Variants in CFAP299 observed in about 807,000 individuals in gnomAD.
CFAP299 encodes cilia and flagella associated protein 299.
A neutral mutation model predicts 27.0 loss-of-function variants in CFAP299; 21 were observed. The observed-to-expected ratio is 0.78, with a 90% CI of 0.55 to 1.12. The LOEUF is 1.12. Among genes scored for constraint, CFAP299 ranks in the 50% most tolerant of loss-of-function variants. The pLI is 0.00. For missense variants in CFAP299, 310 were observed against 276.6 expected, an observed-to-expected ratio of 1.12 and a Z score of -0.86; for synonymous variants, 104 against 98.1, an observed-to-expected ratio of 1.06 and a Z score of -0.36.
At chr4:80,901,021 A>AT (rs1734862294) in intron 4 of CFAP299, among the ~76,000 whole-genome samples, 1 of 152,130 alleles carries the variant, frequency 6.6e-6, no homozygotes, top group African/African-American at 2.4e-5. Flanking sequence ...AGGGTTTGCA[A>AT]TAAAAAAGCT....
intron 2 of CFAP299, among the ~76,000 whole-genome samples, chr4:80,370,411 C>A (rs766672742): frequency 6.6e-6 from 1 of 152,176 alleles, no homozygotes; most frequent in Non-Finnish European, 1.5e-5. Flanking sequence ...TCCCAACAGT[C>A]CCCCAAAGTC....
chr4:80,677,888 C>T (rs1458729109), intron 3 of CFAP299, among the ~76,000 whole-genome samples: 1 of 152,034 alleles, frequency 6.6e-6, no homozygotes, highest in African/African-American at 2.4e-5. Flanking sequence ...TTTATAAAAA[C>T]TGCATTTCAA....
At chr4:80,916,286 TATATATATA>T (rs1735757774) in intron 4 of CFAP299, among the ~76,000 whole-genome samples, 1 of 122,558 alleles carries the variant, frequency 8.2e-6, no homozygotes, top group African/African-American at 3.6e-5. Flanking sequence ...TATATATATA[TATATATATA>T]TTTCAGGTAC....
intron 2 of CFAP299, among the ~76,000 whole-genome samples, chr4:80,459,282 A>C (rs1429415426): frequency 6.6e-6 from 1 of 152,198 alleles, no homozygotes; most frequent in Admixed American, 6.5e-5. Context: ...GAGTCACTGC[A>C]TCCAGCCAGG....
chr4:80,780,703 T>C (rs1405986645), intron 3 of CFAP299, among the ~76,000 whole-genome samples: 1 of 151,888 alleles, frequency 6.6e-6, no homozygotes, highest in Non-Finnish European at 1.5e-5. Context: ...GCTAATGACA[T>C]GCAAATAGAA....
intron 2 of CFAP299, among the ~76,000 whole-genome samples, chr4:80,479,072 A>G (rs999369312): frequency 2.0e-5 from 3 of 152,152 alleles, no homozygotes; most frequent in Admixed American, 2.0e-4. Flanking sequence ...TAAAAATTAT[A>G]GTAGGGCTTT....
At chr4:80,882,501 G>C (rs1287997346) in intron 4 of CFAP299, among the ~76,000 whole-genome samples, 2 of 152,024 alleles carry the variant, frequency 1.3e-5, no homozygotes, top group African/African-American at 4.8e-5. Flanking sequence ...AGCCGGGCGC[G>C]GTGGCAGGCG....
At chr4:80,800,022 T>A (rs1421975873) in intron 3 of CFAP299, among the ~76,000 whole-genome samples, 2 of 60,912 alleles carry the variant, frequency 3.3e-5, no homozygotes. Flanking sequence ...GTAATATATA[T>A]TATATATAAT....
chr4:80,482,346 C>A (rs1017228210), intron 2 of CFAP299, among the ~76,000 whole-genome samples: 1 of 151,996 alleles, frequency 6.6e-6, no homozygotes, highest in African/African-American at 2.4e-5. Flanking sequence ...AATAACATCA[C>A]CCATAAAGTA....
chr4:80,741,923 A>G (rs1165971795), intron 3 of CFAP299, among the ~76,000 whole-genome samples: 1 of 152,100 alleles, frequency 6.6e-6, no homozygotes, highest in African/African-American at 2.4e-5. Context: ...CCCTCCTTGT[A>G]AGGGCACTGC....
chr4:80,335,602 A>G, upstream of CFAP299: 1 of 631,098 alleles, frequency 1.6e-6, no homozygotes, highest in African/African-American at 1.8e-5. Context: ...GAAAGTTTTC[A>G]CAGGAGTGAG....
At chr4:80,699,565 G>A (rs1008346425) in intron 3 of CFAP299, among the ~76,000 whole-genome samples, 28 of 152,112 alleles carry the variant, frequency 1.8e-4, no homozygotes, top group African/African-American at 6.5e-4. Context: ...GTTAGCTAAT[G>A]TTTTACAGTT....
intron 3 of CFAP299, among the ~76,000 whole-genome samples, chr4:80,586,258 A>G (rs1484963883): frequency 6.6e-6 from 1 of 152,034 alleles, no homozygotes; most frequent in Non-Finnish European, 1.5e-5. Context: ...TTAATATATA[A>G]TAAATTTTAT....
chr4:80,695,383 A>C (rs1721022072), intron 3 of CFAP299, among the ~76,000 whole-genome samples: 1 of 152,188 alleles, frequency 6.6e-6, no homozygotes, highest in Non-Finnish European at 1.5e-5. Context: ...TCCAGAAATA[A>C]CTTTCTCACA....
intron 3 of CFAP299, among the ~76,000 whole-genome samples, chr4:80,777,795 C>CATG (rs1726640569): frequency 6.6e-6 from 1 of 152,058 alleles, no homozygotes; most frequent in East Asian, 1.9e-4. Context: ...TACTAAACTA[C>CATG]ATGCAGATGA....
chr4:80,794,821 C>G (rs1214639156), intron 3 of CFAP299, among the ~76,000 whole-genome samples: 1 of 152,134 alleles, frequency 6.6e-6, no homozygotes, highest in Non-Finnish European at 1.5e-5. Flanking sequence ...TGGAAGAGGT[C>G]AAGTGTAATC....
intron 3 of CFAP299, among the ~76,000 whole-genome samples, chr4:80,670,740 T>C (rs1167877776): frequency 6.6e-6 from 1 of 152,236 alleles, no homozygotes; most frequent in Non-Finnish European, 1.5e-5. Flanking sequence ...TGATGACCAG[T>C]GATGATGAGC....
chr4:80,529,848 T>C (rs1269991935), intron 2 of CFAP299, among the ~76,000 whole-genome samples: 1 of 152,024 alleles, frequency 6.6e-6, no homozygotes, highest in Non-Finnish European at 1.5e-5. Context: ...ACATCAAATC[T>C]GCAAGCTTAA....
chr4:80,902,444 GGA>G lies in CFAP299; in HGVS notation c.476+32310_476+32311del, dbSNP rs1491448936. 9.4e-4 allele frequency among the ~76,000 whole-genome samples: 94 copies of G among 100,412 alleles called. 1 individual carries two copies. Among genetic ancestry groups the G allele is most frequent in the African/African-American group, 6.6e-3 (90 of 13,718 alleles). The allele number at this position is 100,412 out of a possible 152,430, so 65.9% of individuals were successfully genotyped here. A position where few individuals can be genotyped will look rare whatever the true frequency, so the allele number is the denominator to read the frequency against. On this transcript the variant is annotated intron_variant, in intron 4 of 5. Transcript: ENST00000358105. ...TATGTTTATATATGTAAGTATATAT[GGA>G]TATACATATATACATATATGTATAT...
Sources: gnomAD v4.1 joint callset for allele counts (sites outside exome capture counted in the v4.1 genomes callset) on GRCh38, gnomAD v4.1.1 for gene constraint, MANE v1.5 for transcripts, NCBI Gene and HGNC (gene_info 2026-07-23, HGNC 2026-07-21) for gene names.